LRP5: variants seen among roughly 807,000 people sequenced by gnomAD.
LRP5 encodes the protein LDL receptor related protein 5.
Under a neutral mutation model 154.1 loss-of-function variants are expected in LRP5, and 62 were observed. The observed-to-expected ratio is 0.40, with a 90% confidence interval of 0.33 to 0.50. The LOEUF (loss-of-function observed/expected upper bound fraction) is 0.50. Ranked by LOEUF, LRP5 falls within the 20% of genes least tolerant of loss-of-function variation. The pLI is 0.55. For missense variants in LRP5, 1,915 were observed against 2,336.7 expected, an observed-to-expected ratio of 0.82 and a Z score of 3.72; for synonymous variants, 966 against 1,011.5, an observed-to-expected ratio of 0.96 and a Z score of 0.85.
chr11:68,386,392 C>T lies in LRP5; in HGVS notation c.1092C>T (p.Asp364=), dbSNP rs1310118969. 1.2e-6 allele frequency: 2 copies of T among 1,613,956 alleles called. No individual in the cohort carries two copies. The highest frequency in any genetic ancestry group is 1.7e-6 in the Non-Finnish European group (2 of 1,180,034). Residue 364 remains aspartate, a synonymous_variant, in exon 6 of 23, where the codon GAC becomes GAT. Coordinates refer to ENST00000294304, the MANE Select transcript of LRP5 (RefSeq NM_002335.4). This position sits in a 1 kb window ranked among gnomAD's most constrained non-coding sequence, Gnocchi z 7.9. The part of the protein sequence containing the change: ...RISLDTPDFT[D]IVLQVDDIRH... ...CGCTGGACACGCCGGACTTCACCGA[C>T]ATCGTGCTGCAGGTGGACGACATCC...
At position 68,365,558 on chromosome 11, in the gene LRP5, C is replaced by A; in HGVS notation, c.884-13C>A. 1 of 1,613,850 alleles carries A rather than the reference C, an allele frequency of 6.2e-7. No homozygotes were observed. The highest frequency in any genetic ancestry group is 8.5e-7 in the Non-Finnish European group (1 of 1,179,912). On this transcript the variant is annotated splice_polypyrimidine_tract_variant and intron_variant, in intron 4 of 22. Coordinates refer to ENST00000294304, the MANE Select transcript of LRP5 (RefSeq NM_002335.4). ...TTCTGGAACCTTCTCTCACTCTGTC[C>A]TGGTTTTCTCAGTCCACACTCGCTG...
At chr11:68,387,109 C>G (rs1381995237) in intron 6 of LRP5, among the ~76,000 whole-genome samples, 1 of 150,512 alleles carries the variant, frequency 6.6e-6, no homozygotes, top group Non-Finnish European at 1.5e-5. Flanking sequence ...CAGGCCAGGC[C>G]TCTTTTTTTC....
chr11:68,299,585 CTT>C, the LRP5 span, among the ~76,000 whole-genome samples: 7 of 115,048 alleles, frequency 6.1e-5, no homozygotes, highest in East Asian at 2.4e-4. Context: ...AAGGGCCAGT[CTT>C]TTTTTTTTTT....
Position 68,423,759 on chromosome 11 carries a change from C to A in LRP5, c.3236+62C>A. 1.3e-6 allele frequency: 2 copies of A among 1,502,850 alleles called. No individual in the cohort carries two copies. Among genetic ancestry groups the A allele is most frequent in the Non-Finnish European group, 1.8e-6 (2 of 1,100,724 alleles). 93.1% of individuals were successfully genotyped at this position (1,502,850 alleles called of 1,614,324 possible). A position where few individuals can be genotyped will look rare whatever the true frequency, so the allele number is the denominator to read the frequency against. On this transcript the variant is annotated intron_variant, in intron 14 of 22. Transcript: ENST00000294304. The surrounding 1 kb of genome is among the most constrained non-coding windows in gnomAD (Gnocchi z 4.7). ...CCAGGCGTGCCCGCCGTGTCTTCTGCCGAATGCCAGCCTCTCACAGGCTGG... is the reference window on the plus strand; with the variant it reads ...CCAGGCGTGCCCGCCGTGTCTTCTGACGAATGCCAGCCTCTCACAGGCTGG...
chr11:68,298,944 G>A, the LRP5 span, among the ~76,000 whole-genome samples: 17,607 of 152,166 alleles, frequency 0.12, 1,434 homozygotes, highest in African/African-American at 0.24. Context: ...GGTGAGAGCC[G>A]GCCAGTGTCT....
chr11:68,358,247 C>T (rs2098624833), intron 3 of LRP5, among the ~76,000 whole-genome samples: 1 of 152,092 alleles, frequency 6.6e-6, no homozygotes, highest in South Asian at 2.1e-4. Flanking sequence ...TCCCGAGTAG[C>T]TGGGACTACA....
chr11:68,343,570 A>T (rs1445184180), intron 1 of LRP5, among the ~76,000 whole-genome samples: 1 of 152,094 alleles, frequency 6.6e-6, no homozygotes, highest in East Asian at 1.9e-4. Flanking sequence ...AGTATAAGTG[A>T]TCCCTGCTCT....
At chr11:68,443,346 T>A (rs2098679165) in intron 21 of LRP5, among the ~76,000 whole-genome samples, 1 of 149,920 alleles carries the variant, frequency 6.7e-6, no homozygotes, top group Non-Finnish European at 1.5e-5. Context: ...CTAGTAAAAA[T>A]TTAAAAATTA....
intron 20 of LRP5, 49 bp downstream of exon 20, chr11:68,438,731 C>A: frequency 6.4e-7 from 1 of 1,562,136 alleles, no homozygotes; most frequent in Non-Finnish European, 8.7e-7. Flanking sequence ...GGAGAGTAGT[C>A]TGGGCAGCTT....
In LRP5 at chr11:68,357,723, A is replaced by G. The variant is rs372984788; in HGVS notation, c.562A>G (p.Ile188Val). 3 of 1,614,180 alleles carry G rather than the reference A, an allele frequency of 1.9e-6. No individual in the cohort carries two copies. The highest frequency in any genetic ancestry group is 2.5e-6 in the Non-Finnish European group (3 of 1,180,020). ...AGGGATGGATGGCAGCACCCGGAAGATCATTGTGGACTCGGACATTTACTG... is the reference window on the plus strand; with the variant it reads ...AGGGATGGATGGCAGCACCCGGAAGGTCATTGTGGACTCGGACATTTACTG... Reference protein sequence around the residue: ...RAGMDGSTRKIIVDSDIYWPN... With the variant: ...RAGMDGSTRKVIVDSDIYWPN... The change falls in exon 3 of 23, where the codon ATC becomes GTC. Residue 188 changes from isoleucine to valine, a missense_variant. This residue lies in a region of LRP5 where 773 missense variants were observed against 1,100.9 expected (regional missense o/e 0.70). Transcript: ENST00000294304.
chr11:68,421,071 C>CA (rs1554973595), intron 13 of LRP5, among the ~76,000 whole-genome samples: 1 of 151,510 alleles, frequency 6.6e-6, no homozygotes, highest in Non-Finnish European at 1.5e-5. Context: ...CTAAAAATAC[C>CA]AAAAAACTAG....
chr11:68,359,958 T>TTG (rs2098626367), intron 3 of LRP5, among the ~76,000 whole-genome samples: 2 of 152,022 alleles, frequency 1.3e-5, no homozygotes, highest in Non-Finnish European at 2.9e-5. Context: ...GGCAAATTGT[T>TTG]GTATTTTTTT....
At chr11:68,377,622 G>T (rs138491761) in intron 5 of LRP5, among the ~76,000 whole-genome samples, 2 of 152,328 alleles carry the variant, frequency 1.3e-5, no homozygotes, top group Non-Finnish European at 2.9e-5. Context: ...TAATCTGGCC[G>T]CCTGCCAGCT....
chr11:68,438,895 T>G (rs960971333), intron 20 of LRP5, among the ~76,000 whole-genome samples: 10 of 152,238 alleles, frequency 6.6e-5, no homozygotes, highest in Non-Finnish European at 1.5e-5. Flanking sequence ...CAACCCACCC[T>G]TTGGCACTGT....
At chr11:68,439,050 C>T (rs1003117042) in intron 20 of LRP5, among the ~76,000 whole-genome samples, 2 of 152,234 alleles carry the variant, frequency 1.3e-5, no homozygotes, top group Non-Finnish European at 2.9e-5. Context: ...CTGTACCATA[C>T]AGCAGCTTTG....
intron 8 of LRP5, chr11:68,404,459 GATGTCAGATC>G (rs1565081054): frequency 4.0e-6 from 2 of 495,858 alleles, no homozygotes; most frequent in Admixed American, 2.3e-5. Context: ...GGGTGGATGT[GATGTCAGATC>G]CCCGGCTTTA....
chr11:68,439,689 G>A (rs2098677042), intron 20 of LRP5, 88 bp from the exon 21 acceptor site: 1 of 1,393,336 alleles, frequency 7.2e-7, no homozygotes, highest in East Asian at 2.4e-5. Context: ...CTCGTGGGTA[G>A]TGGGAGCAGA....
chr11:68,438,344 G>C (rs2098676169), intron 19 of LRP5, 102 bp from the exon 20 acceptor site: 2 of 1,144,906 alleles, frequency 1.7e-6, no homozygotes, highest in African/African-American at 1.5e-5. Flanking sequence ...CCCTCCACCA[G>C]TGGCAAAGCC....
At chr11:68,417,024 C>T (rs1373130983) in intron 13 of LRP5, among the ~76,000 whole-genome samples, 1 of 152,212 alleles carries the variant, frequency 6.6e-6, no homozygotes, top group Non-Finnish European at 1.5e-5. Flanking sequence ...AGAGAGGAAC[C>T]TGGGAAATAG....
Sources: allele counts gnomAD v4.1 joint callset (sites outside exome capture counted in the v4.1 genomes callset), GRCh38; gene constraint gnomAD v4.1.1; regional missense constraint gnomAD v4.1.1; non-coding constraint Gnocchi (gnomAD v3.1); transcripts MANE v1.5; gene names NCBI Gene and HGNC (gene_info 2026-07-23, HGNC 2026-07-21).